The following ESR1 variants were observed in gnomAD, a reference collection of about 807,000 sequenced individuals.
ESR1 encodes the protein estrogen receptor.
A neutral mutation model predicts 52.7 loss-of-function variants in ESR1; 12 were observed. That is an observed-to-expected ratio of 0.23 (90% CI 0.15 to 0.37). ESR1 has a LOEUF of 0.37. ESR1 is among the 10% of genes least tolerant of loss of function. The pLI, the probability that ESR1 is intolerant of heterozygous loss-of-function variation, is 1.00. For missense variants in ESR1, 584 were observed against 779.7 expected, an observed-to-expected ratio of 0.75 and a Z score of 2.99; for synonymous variants, 305 against 316.8, an observed-to-expected ratio of 0.96 and a Z score of 0.39.
chr6:151,745,559 A>G (rs1783421150), intron 2 of ESR1, among the ~76,000 whole-genome samples: 2 of 152,124 alleles, frequency 1.3e-5, no homozygotes, highest in African/African-American at 2.4e-5. Context: ...ATAATCATTA[A>G]GTTATATTTT....
chr6:151,796,599 G>T (rs1776739241), intron 2 of ESR1, among the ~76,000 whole-genome samples: 1 of 152,188 alleles, frequency 6.6e-6, no homozygotes, highest in African/African-American at 2.4e-5. Context: ...GGATTTATTA[G>T]TAATTGTGGT....
rs566665976 is a variant in ESR1 at position 151,703,423 on chromosome 6, G to C, written c.-71+1418G>C. The stretch of plus-strand genomic sequence containing the variant: ...AGGCTGTTTAGAAGCACCCCGCCCC[G>C]TGAAACTCCTCTGGCTTAGGAATTT... On this transcript the variant is annotated intron_variant, in intron 2 of 2. Coordinates refer to the ESR1 transcript ENST00000404742. Among the ~76,000 whole-genome samples the C allele has an allele frequency of 2.6e-5, 4 of 152,210 alleles. No individual in the cohort carries two copies. The East Asian group carries it at 5.8e-4, about 22-fold the overall frequency.
chr6:151,995,004 T>C (rs2041351409), intron 4 of ESR1, among the ~76,000 whole-genome samples: 1 of 152,162 alleles, frequency 6.6e-6, no homozygotes, highest in South Asian at 2.1e-4. Context: ...TCATATGCCT[T>C]CTCATATCTT....
intron 4 of ESR1, among the ~76,000 whole-genome samples, chr6:151,998,221 A>T (rs540403930): frequency 2.0e-5 from 3 of 152,194 alleles, no homozygotes; most frequent in African/African-American, 7.2e-5. Context: ...AAGCATCCCC[A>T]TTGGGGTGGC....
In ESR1 at chr6:152,063,436, A is replaced by G. The variant is rs568968713; in HGVS notation, c.1369+2312A>G. On this transcript the variant is annotated intron_variant, in intron 6 of 7. Coordinates refer to ENST00000206249, the MANE Select transcript of ESR1 (RefSeq NM_000125.4). ...AAGCGAAACCACTCTTTTCCCTACAAAAGTGAGCTGTGCCCCAGAAAAGCG... is the reference window on the plus strand; with the variant it reads ...AAGCGAAACCACTCTTTTCCCTACAGAAGTGAGCTGTGCCCCAGAAAAGCG... Among the ~76,000 whole-genome samples, 6 of 152,314 alleles carry G rather than the reference A, an allele frequency of 3.9e-5. No homozygotes were observed. The South Asian group carries it at 6.2e-4, about 16-fold the overall frequency.
chr6:152,040,085 T>G (rs1183649219), intron 5 of ESR1, among the ~76,000 whole-genome samples: 2 of 152,164 alleles, frequency 1.3e-5, no homozygotes, highest in Non-Finnish European at 2.9e-5. Flanking sequence ...TGGAAGAGGT[T>G]CAGTATAATC....
chr6:151,842,188 A>C (rs939974064), intron 1 of ESR1, among the ~76,000 whole-genome samples: 17 of 152,176 alleles, frequency 1.1e-4, no homozygotes, highest in African/African-American at 3.9e-4. Flanking sequence ...TCTGAGTTCC[A>C]AATGTCCCAG....
intron 4 of ESR1, among the ~76,000 whole-genome samples, chr6:152,011,051 A>G (rs1214541325): frequency 6.6e-6 from 1 of 152,100 alleles, no homozygotes; most frequent in Non-Finnish European, 1.5e-5. Context: ...AGAAAACAAG[A>G]ACACATTTTG....
chr6:151,711,947 C>A (rs772728142), intron 2 of ESR1, among the ~76,000 whole-genome samples: 1 of 152,082 alleles, frequency 6.6e-6, no homozygotes, highest in Non-Finnish European at 1.5e-5. Flanking sequence ...AATGGTATTG[C>A]GTTGGTTTTC....
At position 151,842,588 on chromosome 6, in the gene ESR1, T is replaced by G; in HGVS notation, c.453-9T>G. On this transcript the variant is annotated splice_polypyrimidine_tract_variant and intron_variant, in intron 1 of 7. Coordinates refer to ENST00000206249, the MANE Select transcript of ESR1 (RefSeq NM_000125.4). ...AATGTTAATGGATTTACTGTTTTTTTCCCCCCAGGCCAAATTCAGATAATC... is the reference window on the plus strand; with the variant it reads ...AATGTTAATGGATTTACTGTTTTTTGCCCCCCAGGCCAAATTCAGATAATC... 6.2e-7 allele frequency: 1 copy of G among 1,611,984 alleles called. No individual in the cohort carries two copies.
At chr6:152,063,251 C>T (rs1413874953) in intron 6 of ESR1, among the ~76,000 whole-genome samples, 1 of 152,158 alleles carries the variant, frequency 6.6e-6, no homozygotes, top group African/African-American at 2.4e-5. Flanking sequence ...AGGGCAGAAA[C>T]GCTATTGTAG....
chr6:151,972,182 G>T (rs2038980017), intron 4 of ESR1, among the ~76,000 whole-genome samples: 1 of 152,032 alleles, frequency 6.6e-6, no homozygotes, highest in African/African-American at 2.4e-5. Flanking sequence ...AACAAAAAAA[G>T]TCCAGGACCA....
intron 2 of ESR1, among the ~76,000 whole-genome samples, chr6:151,743,933 T>C (rs1243021346): frequency 6.6e-6 from 1 of 152,156 alleles, no homozygotes; most frequent in Non-Finnish European, 1.5e-5. Flanking sequence ...CGGCCCCTGA[T>C]AATCACTCAT....
chr6:151,831,146 CTTTTTTTTT>C (rs11296052), intron 1 of ESR1, among the ~76,000 whole-genome samples: 1 of 141,790 alleles, frequency 7.1e-6, no homozygotes, highest in Admixed American at 7.1e-5. Flanking sequence ...CTTTTCTTTT[CTTTTTTTTT>C]TTTTTGAGAC....
intron 4 of ESR1, among the ~76,000 whole-genome samples, chr6:151,981,263 A>G (rs1287847033): frequency 1.3e-5 from 2 of 152,166 alleles, no homozygotes. Flanking sequence ...TGCCATTTCT[A>G]AAGTAATGAC....
chr6:151,717,292 G>A (rs1357621237), intron 2 of ESR1, among the ~76,000 whole-genome samples: 1 of 152,202 alleles, frequency 6.6e-6, no homozygotes, highest in South Asian at 2.1e-4. Context: ...GACTGGAGCT[G>A]TTCCTATTTG....
intron 2 of ESR1, among the ~76,000 whole-genome samples, chr6:151,868,074 ACCCAATGATAGTTTTTT>A (rs1790272280): frequency 2.2e-5 from 1 of 46,038 alleles, no homozygotes; most frequent in African/African-American, 1.7e-4. Flanking sequence ...TGAGCATAGT[ACCCAATGATAGTTTTTT>A]GTACCCAATG....
intron 5 of ESR1, among the ~76,000 whole-genome samples, chr6:152,029,702 G>A (rs1171840111): frequency 1.3e-5 from 2 of 152,202 alleles, no homozygotes; most frequent in Non-Finnish European, 2.9e-5. Flanking sequence ...ATGGAACCAA[G>A]TTGGAAAACA....
chr6:151,996,772 G>A (rs912209007), intron 4 of ESR1, among the ~76,000 whole-genome samples: 2 of 152,126 alleles, frequency 1.3e-5, no homozygotes, highest in African/African-American at 4.8e-5. Context: ...TAAATTGAAT[G>A]TAATAGGTCT....
Sources: gnomAD v4.1 joint callset for allele counts (sites outside exome capture counted in the v4.1 genomes callset) on GRCh38, gnomAD v4.1.1 for gene constraint, MANE v1.5 for transcripts, NCBI Gene and HGNC (gene_info 2026-07-23, HGNC 2026-07-21) for gene names.